ZDHHC21: variants seen among roughly 807,000 people sequenced by gnomAD.
The protein encoded by ZDHHC21 is zDHHC palmitoyltransferase 21.
ZDHHC21 carries 15 observed loss-of-function variants against 34.6 expected under a neutral mutation model. The ratio of observed to expected loss-of-function variants is 0.43; its 90% CI spans 0.29 to 0.67. ZDHHC21 has a LOEUF of 0.67. Among genes scored for constraint, ZDHHC21 ranks in the 30% least tolerant of loss-of-function variants. ZDHHC21 has a pLI of 0.14. For synonymous variants in ZDHHC21, 142 were observed against 101.8 expected, an observed-to-expected ratio of 1.40 and a Z score of -2.38; for missense variants, 344 against 327.7, an observed-to-expected ratio of 1.05 and a Z score of -0.38.
intron 6 of ZDHHC21, among the ~76,000 whole-genome samples, chr9:14,661,450 A>T (rs1167044462): frequency 6.6e-6 from 1 of 152,234 alleles, no homozygotes; most frequent in Admixed American, 6.5e-5. Flanking sequence ...ATATGTATAC[A>T]GATACATTTG....
intron 8 of ZDHHC21, among the ~76,000 whole-genome samples, chr9:14,633,301 T>C (rs4620377): frequency 0.63 from 94,990 of 151,966 alleles, 29,944 homozygotes; most frequent in South Asian, 0.7. Context: ...TAGTCAAAAT[T>C]GGCTGGGGAC....
intron 6 of ZDHHC21, among the ~76,000 whole-genome samples, chr9:14,659,395 G>A (rs553516192): frequency 2.1e-4 from 32 of 152,120 alleles, no homozygotes; most frequent in Non-Finnish European, 4.1e-4. Context: ...ATCTACCCCT[G>A]GTTGCTGAAA....
chr9:14,654,338 G>A (rs1049514644), intron 7 of ZDHHC21, among the ~76,000 whole-genome samples: 2 of 151,828 alleles, frequency 1.3e-5, no homozygotes, highest in Non-Finnish European at 2.9e-5. Context: ...TTTAGCATTA[G>A]AAATTCTTGT....
At chr9:14,642,872 T>C (rs1829621821) in intron 7 of ZDHHC21, among the ~76,000 whole-genome samples, 1 of 152,222 alleles carries the variant, frequency 6.6e-6, no homozygotes, top group Non-Finnish European at 1.5e-5. Flanking sequence ...ATTGTTTACA[T>C]TTCTTCCATT....
chr9:14,607,806 T>C (rs1823064309), downstream of ZDHHC21, among the ~76,000 whole-genome samples: 1 of 152,136 alleles, frequency 6.6e-6, no homozygotes, highest in South Asian at 2.1e-4. Flanking sequence ...GGGCTTTGAA[T>C]ACCAAAAAGT....
At chr9:14,593,635 GC>G in the ZDHHC21 span, 1 of 152,194 alleles carries the variant, frequency 6.6e-6, no homozygotes, top group East Asian at 1.9e-4. Flanking sequence ...CATGAAAGGA[GC>G]CCTGATCAGT....
intron 5 of ZDHHC21, among the ~76,000 whole-genome samples, chr9:14,663,276 T>C (rs1833725212): frequency 6.6e-6 from 1 of 152,126 alleles, no homozygotes. Context: ...TACTATCCCA[T>C]AACCTCATTA....
At chr9:14,690,232 G>C (rs187815307) in intron 2 of ZDHHC21, 105 bp downstream of exon 2, 4 of 392,604 alleles carry the variant, frequency 1.0e-5, no homozygotes, top group African/African-American at 2.1e-5. Context: ...AGAGATTGGT[G>C]GGGGGTTGGG....
rs550103636 is a variant in ZDHHC21, at chr9:14,661,854, T to C, written c.365+361A>G. On this transcript the variant is annotated intron_variant, in intron 6 of 9. Coordinates refer to ENST00000380916, the MANE Select transcript of ZDHHC21 (RefSeq NM_178566.6). ...AAGGGGATATAAACATTCGGATGCA[T>C]ATGGTTTATTACAATTAGAAATAGC... Among the ~76,000 whole-genome samples, 26 of 152,334 alleles carry C rather than the reference T, an allele frequency of 1.7e-4. No individual in the cohort carries two copies. In the South Asian group the frequency reaches 3.9e-3, roughly 23 times the overall value.
chr9:14,677,836 A>G (rs528740697), intron 3 of ZDHHC21, among the ~76,000 whole-genome samples: 1 of 152,204 alleles, frequency 6.6e-6, no homozygotes, highest in East Asian at 1.9e-4. Flanking sequence ...AGGCAACTGT[A>G]TTTCACCATA....
intron 8 of ZDHHC21, chr9:14,622,666 A>T: frequency 1.0e-6 from 1 of 985,210 alleles, no homozygotes; most frequent in Non-Finnish European, 1.2e-6. Context: ...AGGAGAAAGA[A>T]TGTGCTGAAG....
intron 7 of ZDHHC21, among the ~76,000 whole-genome samples, chr9:14,654,468 C>T (rs948184078): frequency 4.6e-5 from 7 of 151,744 alleles, no homozygotes; most frequent in Admixed American, 3.9e-4. Flanking sequence ...ATGCAAAATG[C>T]TCAGTATTCT....
At chr9:14,653,336 T>G (rs1289173149) in intron 7 of ZDHHC21, among the ~76,000 whole-genome samples, 1 of 152,004 alleles carries the variant, frequency 6.6e-6, no homozygotes, top group Admixed American at 6.6e-5. Context: ...AAACATTATT[T>G]TTTTAAATGT....
At chr9:14,671,601 G>A (rs573914316) in intron 5 of ZDHHC21, among the ~76,000 whole-genome samples, 2 of 152,038 alleles carry the variant, frequency 1.3e-5, no homozygotes, top group South Asian at 4.1e-4. Context: ...AAAACAGGAC[G>A]CATTTTTTTT....
chr9:14,685,605 G>A (rs995791471), intron 2 of ZDHHC21, among the ~76,000 whole-genome samples: 10 of 152,340 alleles, frequency 6.6e-5, no homozygotes, highest in Non-Finnish European at 1.5e-4. Flanking sequence ...CACTGCTGGT[G>A]GGACTGTAAA....
At position 14,658,866 on chromosome 9, in the gene ZDHHC21, T is replaced by C; in HGVS notation, c.387A>G (p.Glu129=). ...ACTGCAGAAAGAGCCAATGATTATC[T>C]TCACCAACACAATTGTTAATCCTAA... ...HCPWINNCVG[E]DNHWLFLQLC... Residue 129 remains glutamate, a synonymous_variant, in exon 7 of 10, where the codon GAA becomes GAG. Coordinates refer to ENST00000380916, the MANE Select transcript of ZDHHC21 (RefSeq NM_178566.6). 19 of 1,613,022 alleles carry C rather than the reference T, an allele frequency of 1.2e-5. No individual in the cohort carries two copies. The highest frequency in any genetic ancestry group is 1.5e-5 in the Non-Finnish European group (18 of 1,179,526).
intron 7 of ZDHHC21, among the ~76,000 whole-genome samples, chr9:14,640,623 A>G (rs900052333): frequency 1.3e-5 from 2 of 152,166 alleles, no homozygotes; most frequent in Admixed American, 6.6e-5. Context: ...AAATGTATAA[A>G]TGATAAAAAT....
chr9:14,590,582 T>G, the ZDHHC21 span, among the ~76,000 whole-genome samples: 2 of 151,924 alleles, frequency 1.3e-5, no homozygotes, highest in South Asian at 4.1e-4. Context: ...CAGAAAATAA[T>G]AGAATGGAAG....
the ZDHHC21 span, among the ~76,000 whole-genome samples, chr9:14,592,314 T>C: frequency 1.3e-5 from 2 of 152,070 alleles, no homozygotes; most frequent in Admixed American, 1.3e-4. Flanking sequence ...AAACTTTGTT[T>C]CGATATAATT....
Sources: gnomAD v4.1 joint callset for allele counts (sites outside exome capture counted in the v4.1 genomes callset) on GRCh38, gnomAD v4.1.1 for gene constraint, MANE v1.5 for transcripts, NCBI Gene and HGNC (gene_info 2026-07-23, HGNC 2026-07-21) for gene names.